The following EXOC4 variants were observed in gnomAD, a reference collection of about 807,000 sequenced individuals.
EXOC4 encodes the protein exocyst complex component 4, also known as SEC8-like 1.
EXOC4 carries 71 observed loss-of-function variants against 107.2 expected under a neutral mutation model. The observed-to-expected ratio is 0.66, with a 90% CI of 0.55 to 0.81. EXOC4 has a LOEUF of 0.81. Ranked by LOEUF, EXOC4 falls within the 30% of genes least tolerant of loss-of-function variation. The pLI is 0.00. For synonymous variants in EXOC4, 456 were observed against 441.2 expected (o/e 1.03, Z -0.42); for missense variants, 1,108 against 1,189.6 (o/e 0.93, Z 1.01).
chr7:133,476,958 G>T (rs1446202973), intron 8 of EXOC4, among the ~76,000 whole-genome samples: 1 of 83,210 alleles, frequency 1.2e-5, no homozygotes, highest in Non-Finnish European at 2.7e-5. Flanking sequence ...GTGTGGGCAA[G>T]AAAATTGCAT....
intron 8 of EXOC4, among the ~76,000 whole-genome samples, chr7:133,475,853 A>C (rs569330655): frequency 1.9e-4 from 29 of 152,180 alleles, no homozygotes; most frequent in African/African-American, 7.0e-4. Flanking sequence ...AAGTTATGCA[A>C]ATGTTTCTAG....
intron 7 of EXOC4, among the ~76,000 whole-genome samples, chr7:133,378,621 G>C (rs1796545566): frequency 6.6e-6 from 1 of 152,098 alleles, no homozygotes; most frequent in African/African-American, 2.4e-5. Flanking sequence ...AATTCATGAA[G>C]AGGTATAATG....
chr7:133,509,327 C>T (rs377706428), intron 9 of EXOC4, among the ~76,000 whole-genome samples: 12 of 151,982 alleles, frequency 7.9e-5, no homozygotes, highest in Admixed American at 7.2e-4. Flanking sequence ...ACTCAGGAGG[C>T]TGAGGCAGGA....
chr7:133,458,516 A>G (rs1231425744), intron 7 of EXOC4, among the ~76,000 whole-genome samples: 2 of 152,220 alleles, frequency 1.3e-5, no homozygotes, highest in African/African-American at 4.8e-5. Flanking sequence ...TCACATAAAT[A>G]TGAAGCAGAA....
chr7:133,713,746 C>A (rs1794943492), intron 10 of EXOC4, among the ~76,000 whole-genome samples: 1 of 151,992 alleles, frequency 6.6e-6, no homozygotes, highest in African/African-American at 2.4e-5. Flanking sequence ...GGGCTCTTTC[C>A]CCATCGCTTG....
intron 5 of EXOC4, among the ~76,000 whole-genome samples, chr7:133,318,967 C>G (rs187599984): frequency 2.0e-4 from 31 of 152,266 alleles, no homozygotes; most frequent in African/African-American, 7.2e-4. Flanking sequence ...AGTTTTAACA[C>G]TGCTCTGAGG....
At chr7:133,691,930 A>G (rs990754510) in intron 10 of EXOC4, among the ~76,000 whole-genome samples, 3 of 152,132 alleles carry the variant, frequency 2.0e-5, no homozygotes, top group African/African-American at 7.2e-5. Context: ...GACCATCTCC[A>G]CTGTGTACGT....
chr7:134,034,294 AT>A (rs1430163294), intron 17 of EXOC4, among the ~76,000 whole-genome samples: 1 of 152,206 alleles, frequency 6.6e-6, no homozygotes, highest in Non-Finnish European at 1.5e-5. Context: ...GCAATTGGAA[AT>A]TTTTAGGAAA....
chr7:133,700,314 A>AT (rs756095259), intron 10 of EXOC4, among the ~76,000 whole-genome samples: 18 of 151,148 alleles, frequency 1.2e-4, no homozygotes, highest in African/African-American at 2.4e-4. Context: ...TTGAGGGACT[A>AT]TTTTTTTTTA....
the EXOC4 span, among the ~76,000 whole-genome samples, chr7:134,077,486 A>C: frequency 6.6e-6 from 1 of 152,346 alleles, no homozygotes; most frequent in East Asian, 1.9e-4. Flanking sequence ...GTTGACATAT[A>C]AAACTAACCA....
chr7:133,332,485 C>G (rs1218371141), intron 5 of EXOC4, among the ~76,000 whole-genome samples: 1 of 151,988 alleles, frequency 6.6e-6, no homozygotes, highest in African/African-American at 2.4e-5. Context: ...CATGGTGGTG[C>G]GTGCCTGTAA....
chr7:133,874,052 A>G lies in EXOC4; in HGVS notation c.1735-21547A>G, dbSNP rs150181554. On this transcript the variant is annotated intron_variant, in intron 11 of 17. Transcript: ENST00000253861. ...TGCTTTGATAACTAAAATCTAGGAA[A>G]TATGACTCATCTCCTAAACTCAGGG... 3.6e-4 allele frequency among the ~76,000 whole-genome samples: 55 copies of G among 152,326 alleles called. No homozygotes were observed. In the East Asian group the frequency reaches 8.3e-3, roughly 23 times the overall value.
chr7:133,255,816 G>T (rs545065863), intron 1 of EXOC4, among the ~76,000 whole-genome samples: 1 of 152,142 alleles, frequency 6.6e-6, no homozygotes, highest in East Asian at 1.9e-4. Context: ...TATTACTTTG[G>T]TGTTTGGGAT....
chr7:133,694,218 G>A (rs904763186), intron 10 of EXOC4, among the ~76,000 whole-genome samples: 2 of 146,292 alleles, frequency 1.4e-5, no homozygotes, highest in Non-Finnish European at 3.0e-5. Context: ...CCGAGATCAC[G>A]CTGATGTACT....
At chr7:133,503,523 G>A (rs1208427991) in intron 9 of EXOC4, among the ~76,000 whole-genome samples, 2 of 152,020 alleles carry the variant, frequency 1.3e-5, no homozygotes, top group African/African-American at 4.8e-5. Flanking sequence ...ATCACTGGCT[G>A]GATGAAAATT....
intron 9 of EXOC4, among the ~76,000 whole-genome samples, chr7:133,605,657 A>G (rs1191525107): frequency 6.6e-6 from 1 of 152,216 alleles, no homozygotes; most frequent in Non-Finnish European, 1.5e-5. Flanking sequence ...GTTTTTGGAC[A>G]TACTAAGTTA....
chr7:133,567,948 A>G (rs1404269947), intron 9 of EXOC4, among the ~76,000 whole-genome samples: 1 of 152,182 alleles, frequency 6.6e-6, no homozygotes, highest in Non-Finnish European at 1.5e-5. Context: ...TATGGTGCAG[A>G]TGTTCAAGCC....
At chr7:133,554,063 A>G (rs1468018118) in intron 9 of EXOC4, among the ~76,000 whole-genome samples, 2 of 152,124 alleles carry the variant, frequency 1.3e-5, no homozygotes, top group Non-Finnish European at 2.9e-5. Context: ...ACCAGTTTTT[A>G]CATTGAAAAA....
intron 10 of EXOC4, among the ~76,000 whole-genome samples, chr7:133,639,132 T>G (rs1324755307): frequency 6.6e-6 from 1 of 152,222 alleles, no homozygotes; most frequent in Non-Finnish European, 1.5e-5. Flanking sequence ...AAAAATAACA[T>G]AGGCATACCT....
Sources: gnomAD v4.1 joint callset for allele counts (sites outside exome capture counted in the v4.1 genomes callset) on GRCh38, gnomAD v4.1.1 for gene constraint, MANE v1.5 for transcripts, NCBI Gene and HGNC (gene_info 2026-07-23, HGNC 2026-07-21) for gene names.